Variants in LRMDA observed in about 807,000 individuals in gnomAD.
LRMDA encodes leucine rich melanocyte differentiation associated.
A neutral mutation model predicts 29.8 loss-of-function variants in LRMDA; 18 were observed. The ratio of observed to expected loss-of-function variants is 0.60; its 90% confidence interval spans 0.42 to 0.90. LRMDA has a LOEUF of 0.90. Among genes scored for constraint, LRMDA ranks in the 40% least tolerant of loss-of-function variants. The pLI is 0.00. For synonymous variants in LRMDA, 125 were observed against 109.4 expected (o/e 1.14, Z -0.89); for missense variants, 273 against 273.9 (o/e 1.00, Z 0.02).
intron 5 of LRMDA, among the ~76,000 whole-genome samples, chr10:76,070,117 C>A (rs943378081): frequency 7.9e-5 from 12 of 152,170 alleles, no homozygotes; most frequent in African/African-American, 2.9e-4. Context: ...GTGGCAGGAG[C>A]TAATGCAGGC....
chr10:75,554,007 T>C (rs1840185189), intron 2 of LRMDA, among the ~76,000 whole-genome samples: 1 of 152,208 alleles, frequency 6.6e-6, no homozygotes, highest in Admixed American at 6.5e-5. Context: ...TTTACTTTTT[T>C]GATGGCTACC....
intron 2 of LRMDA, among the ~76,000 whole-genome samples, chr10:75,718,570 A>G (rs1293001325): frequency 2.0e-5 from 3 of 152,234 alleles, no homozygotes; most frequent in South Asian, 4.1e-4. Context: ...GGATTTCATA[A>G]TGCACCATTA....
chr10:76,075,767 C>A (rs1371215969), intron 5 of LRMDA, among the ~76,000 whole-genome samples: 4 of 152,114 alleles, frequency 2.6e-5, no homozygotes, highest in Middle Eastern at 6.3e-3. Flanking sequence ...CTGGATGGTG[C>A]ACAGTCCCTC....
chr10:76,084,364 ATTTTTTTTTTTTT>A (rs71024586), intron 5 of LRMDA, among the ~76,000 whole-genome samples: 34 of 70,930 alleles, frequency 4.8e-4, no homozygotes, highest in East Asian at 1.1e-3. Context: ...CGCCCAGCTA[ATTTTTTTTTTTTT>A]TTTTTTTTTT....
At chr10:76,160,599 G>A (rs1783262984) in intron 5 of LRMDA, among the ~76,000 whole-genome samples, 1 of 152,112 alleles carries the variant, frequency 6.6e-6, no homozygotes, top group South Asian at 2.1e-4. Flanking sequence ...ATACAAGAGG[G>A]CTCATTATAC....
intron 2 of LRMDA, among the ~76,000 whole-genome samples, chr10:75,443,304 G>C (rs1382689383): frequency 6.6e-6 from 1 of 151,974 alleles, no homozygotes; most frequent in Non-Finnish European, 1.5e-5. Flanking sequence ...TTTTCAATTT[G>C]TTTCTGTTGA....
chr10:75,860,208 C>T, intron 2 of LRMDA, among the ~76,000 whole-genome samples: 1 of 151,468 alleles, frequency 6.6e-6, no homozygotes, highest in Non-Finnish European at 1.5e-5. Flanking sequence ...GGTCACCTTG[C>T]TCTTTGCTGG....
chr10:75,623,695 G>C (rs1841215680), intron 2 of LRMDA, among the ~76,000 whole-genome samples: 1 of 152,198 alleles, frequency 6.6e-6, no homozygotes, highest in Admixed American at 6.5e-5. Context: ...CGGAAGAAAA[G>C]AAGCAATTAT....
chr10:76,363,364 G>A (rs1382375435), intron 6 of LRMDA, among the ~76,000 whole-genome samples: 1 of 152,034 alleles, frequency 6.6e-6, no homozygotes, highest in Admixed American at 6.5e-5. Flanking sequence ...GATTGGAAAG[G>A]AAGAAGTAAA....
intron 2 of LRMDA, among the ~76,000 whole-genome samples, chr10:75,755,054 G>A (rs1471589359): frequency 6.7e-6 from 1 of 148,474 alleles, no homozygotes; most frequent in East Asian, 2.0e-4. Flanking sequence ...TTTTTTTTTT[G>A]TTTGTTTTGT....
At chr10:76,203,902 A>G (rs1851481083) in intron 5 of LRMDA, among the ~76,000 whole-genome samples, 1 of 139,564 alleles carries the variant, frequency 7.2e-6, no homozygotes, top group African/African-American at 2.8e-5. Context: ...CCATCTACCC[A>G]TCTCTCCATG....
intron 2 of LRMDA, among the ~76,000 whole-genome samples, chr10:75,655,324 A>G (rs757395250): frequency 4.6e-5 from 7 of 152,244 alleles, no homozygotes; most frequent in African/African-American, 9.6e-5. Context: ...TGAGATACAT[A>G]TCACTTCTAA....
intron 6 of LRMDA, among the ~76,000 whole-genome samples, chr10:76,424,177 C>T (rs778282178): frequency 1.3e-5 from 2 of 152,158 alleles, no homozygotes; most frequent in Non-Finnish European, 2.9e-5. Context: ...GATCTAAGTG[C>T]TCATATTTGA....
At chr10:76,103,667 ATTAT>A (rs1353793097) in intron 5 of LRMDA, among the ~76,000 whole-genome samples, 1 of 152,084 alleles carries the variant, frequency 6.6e-6, no homozygotes, top group Non-Finnish European at 1.5e-5. Flanking sequence ...CTCTCTCATG[ATTAT>A]TTAATTATTC....
At chr10:75,720,658 G>T (rs951056941) in intron 2 of LRMDA, among the ~76,000 whole-genome samples, 1 of 152,122 alleles carries the variant, frequency 6.6e-6, no homozygotes, top group Non-Finnish European at 1.5e-5. Flanking sequence ...GAGCCCAGTC[G>T]GTGATTAAAT....
chr10:76,214,860 G>A (rs905648121), intron 5 of LRMDA, among the ~76,000 whole-genome samples: 1 of 152,190 alleles, frequency 6.6e-6, no homozygotes, highest in Non-Finnish European at 1.5e-5. Context: ...GGTGATTTTG[G>A]GGCTTTTGTT....
chr10:75,651,203 G>A (rs1301667002), intron 2 of LRMDA, among the ~76,000 whole-genome samples: 1 of 152,144 alleles, frequency 6.6e-6, no homozygotes, highest in Non-Finnish European at 1.5e-5. Context: ...CAAGAGACAG[G>A]ATATATCCCT....
rs574480529 is a variant in LRMDA, at chr10:76,559,157, T to C, written c.*1869T>C. On this transcript the variant is annotated 3_prime_UTR_variant, in exon 7 of 7. Transcript: ENST00000611255. Reference sequence around the variant, plus strand: ...GTCATATCCAATCTAGCCACACATATATCCTTGTCTTTATAAAAGGCTTTA... The same window carrying C: ...GTCATATCCAATCTAGCCACACATACATCCTTGTCTTTATAAAAGGCTTTA... The C allele has an allele frequency of 2.6e-5, 4 of 152,312 alleles. No homozygotes were observed. The highest frequency in any genetic ancestry group is 7.2e-5 in the African/African-American group (3 of 41,574). The allele number at this position is 152,312 out of a possible 1,614,324, so 9.4% of individuals were successfully genotyped here.
At chr10:75,705,535 G>A (rs1472789932) in intron 2 of LRMDA, among the ~76,000 whole-genome samples, 1 of 152,250 alleles carries the variant, frequency 6.6e-6, no homozygotes, top group Non-Finnish European at 1.5e-5. Flanking sequence ...TCAGACTGGA[G>A]AAAGGAGAAA....
Sources: gnomAD v4.1 joint callset for allele counts (sites outside exome capture counted in the v4.1 genomes callset) on GRCh38, gnomAD v4.1.1 for gene constraint, MANE v1.5 for transcripts, NCBI Gene and HGNC (gene_info 2026-07-23, HGNC 2026-07-21) for gene names.